The following UGGT2 variants were observed in gnomAD, a reference collection of about 807,000 sequenced individuals.
UGGT2 encodes the protein UDP-glucose:glycoprotein glucosyltransferase 2.
A neutral mutation model predicts 192.1 loss-of-function variants in UGGT2; 180 were observed. The ratio of observed to expected loss-of-function variants is 0.94; its 90% CI spans 0.83 to 1.06. The LOEUF (loss-of-function observed/expected upper bound fraction) is 1.06. Among genes scored for constraint, UGGT2 ranks in the 50% least tolerant of loss-of-function variants. The pLI, the probability that UGGT2 is intolerant of heterozygous loss-of-function variation, is 0.00. For missense variants in UGGT2, 1,849 were observed against 1,795.7 expected (o/e 1.03, Z -0.54); for synonymous variants, 580 against 591.0 (o/e 0.98, Z 0.27).
chr13:95,999,682 C>T lies in UGGT2; in HGVS notation c.661-375G>A, dbSNP rs570913078. Among the ~76,000 whole-genome samples the T allele has an allele frequency of 1.2e-4, 18 of 152,112 alleles. No individual in the cohort carries two copies. The South Asian group carries it at 1.2e-3, about 10-fold the overall frequency. ...TTTTTGGGGACCCCCAAAAGATTTG[C>T]TAAACCAAAAATCCTCTTCACTTGC... On this transcript the variant is annotated intron_variant, in intron 5 of 38. Coordinates refer to ENST00000376747, the MANE Select transcript of UGGT2 (RefSeq NM_020121.4).
chr13:95,949,318 C>T lies in UGGT2; in HGVS notation c.1455+17G>A. The T allele has an allele frequency of 2.0e-6, 3 of 1,497,392 alleles. No homozygotes were observed. The highest frequency in any genetic ancestry group is 2.7e-6 in the Non-Finnish European group (3 of 1,120,658). 92.8% of individuals were successfully genotyped at this position (1,497,392 alleles called of 1,614,324 possible). A position where few individuals can be genotyped will look rare whatever the true frequency, so the allele number is the denominator to read the frequency against. On this transcript the variant is annotated intron_variant, in intron 13 of 38. Coordinates refer to ENST00000376747, the MANE Select transcript of UGGT2 (RefSeq NM_020121.4). ...TCTTTATAAGATATATATGTATAATCAAAATATAAAACTCACCAAATTATG... is the reference window on the plus strand; with the variant it reads ...TCTTTATAAGATATATATGTATAATTAAAATATAAAACTCACCAAATTATG...
At chr13:95,979,548 C>A (rs200141444) in intron 10 of UGGT2, among the ~76,000 whole-genome samples, 28 of 98,794 alleles carry the variant, frequency 2.8e-4, no homozygotes, top group Middle Eastern at 5.0e-3. Context: ...GTCTCTTACG[C>A]AAAAAAAAAA....
intron 7 of UGGT2, among the ~76,000 whole-genome samples, chr13:95,994,763 C>T (rs548347704): frequency 6.6e-6 from 1 of 152,000 alleles, no homozygotes; most frequent in South Asian, 2.1e-4. Context: ...GGTGATAGCA[C>T]CATATAGTGC....
chr13:95,906,858 T>C (rs373650175), intron 20 of UGGT2, among the ~76,000 whole-genome samples: 1 of 152,200 alleles, frequency 6.6e-6, no homozygotes, highest in Non-Finnish European at 1.5e-5. Context: ...GCTCCCAGTG[T>C]GACCGATGCA....
chr13:95,917,701 TAAAG>T (rs1317474910), intron 20 of UGGT2, among the ~76,000 whole-genome samples: 1 of 151,926 alleles, frequency 6.6e-6, no homozygotes. Context: ...AGGCTCAAAA[TAAAG>T]AGATGGAGGA....
intron 7 of UGGT2, among the ~76,000 whole-genome samples, chr13:95,993,967 A>AGG (rs869148884): frequency 1.3e-5 from 2 of 151,542 alleles, no homozygotes; most frequent in Admixed American, 1.3e-4. Context: ...CAGGAAAAAA[A>AGG]GGGGGGGGTA....
chr13:95,998,718 A>T (rs1209607271), intron 6 of UGGT2, among the ~76,000 whole-genome samples: 1 of 152,148 alleles, frequency 6.6e-6, no homozygotes, highest in Non-Finnish European at 1.5e-5. Context: ...TGGTTAGTAG[A>T]TCACAAATCT....
chr13:95,830,101 C>T (rs2139857490), intron 38 of UGGT2, among the ~76,000 whole-genome samples: 1 of 152,288 alleles, frequency 6.6e-6, no homozygotes, highest in East Asian at 1.9e-4. Flanking sequence ...AACTGGATCC[C>T]TTCCTTACAT....
intron 26 of UGGT2, among the ~76,000 whole-genome samples, 176 bp from the exon 27 acceptor site, chr13:95,884,856 T>C (rs1184529672): frequency 1.3e-5 from 2 of 152,216 alleles, no homozygotes; most frequent in African/African-American, 4.8e-5. Flanking sequence ...TCATTATTTG[T>C]TGACACTACT....
intron 20 of UGGT2, among the ~76,000 whole-genome samples, chr13:95,908,968 A>G (rs2048384390): frequency 6.9e-6 from 1 of 145,058 alleles, no homozygotes. Flanking sequence ...CCCATTTGTC[A>G]ATTTTGGCTT....
Position 95,937,088 on chromosome 13 carries a change from C to G in UGGT2, c.1813G>C (p.Ala605Pro). The change falls in exon 17 of 39, where the codon GCT (alanine) becomes CCT (proline). Residue 605 changes from alanine to proline, a missense_variant and splice_region_variant. Coordinates refer to ENST00000376747, the MANE Select transcript of UGGT2 (RefSeq NM_020121.4). ...IHSKYDEERK[A>P]GASFYKMTGL... The stretch of plus-strand genomic sequence containing the variant: ...GTCATCTTATAAAAGCTTGCTCCAG[C>G]CTATTCAGTTAAAAAATATCAGAGT... The G allele has an allele frequency of 6.3e-7, 1 of 1,582,036 alleles. No homozygotes were observed. The highest frequency in any genetic ancestry group is 8.5e-7 in the Non-Finnish European group (1 of 1,172,318).
At chr13:95,911,116 A>G (rs1045758746) in intron 20 of UGGT2, among the ~76,000 whole-genome samples, 10 of 152,210 alleles carry the variant, frequency 6.6e-5, no homozygotes, top group African/African-American at 1.4e-4. Flanking sequence ...ATACTACTAA[A>G]TGCCTATAAG....
chr13:95,925,806 CT>C lies in UGGT2; in HGVS notation c.2201-33del, dbSNP rs368238974. 1,225 of 1,441,794 alleles carry C rather than the reference CT, an allele frequency of 8.5e-4. 6 individuals carry two copies. In the African/African-American group the frequency reaches 0.012, roughly 14 times the overall value. 89.3% of individuals were successfully genotyped at this position (1,441,794 alleles called of 1,614,324 possible). ...GTTTCAAACAGTTTACTCAAATTAA[CT>C]TTTTTTTTAAAAAATAAAACAAAAG... On this transcript the variant is annotated intron_variant, in intron 19 of 38. Transcript: ENST00000376747.
chr13:95,972,553 C>T lies in UGGT2; in HGVS notation c.1184+27G>A, dbSNP rs775694768. The T allele has an allele frequency of 1.1e-5, 17 of 1,517,576 alleles. No homozygotes were observed. In the Admixed American group the frequency reaches 3.0e-4, roughly 26 times the overall value. The allele number at this position is 1,517,576 out of a possible 1,614,324, so 94.0% of individuals were successfully genotyped here. On this transcript the variant is annotated intron_variant, in intron 11 of 38. Coordinates refer to ENST00000376747, the MANE Select transcript of UGGT2 (RefSeq NM_020121.4). The stretch of plus-strand genomic sequence containing the variant: ...GTTTATTTTTATATAAACCATAGTT[C>T]ATTTACAGCAATAATTTAATACTTA...
intron 38 of UGGT2, among the ~76,000 whole-genome samples, chr13:95,806,502 C>G (rs1184666983): frequency 6.6e-6 from 1 of 152,092 alleles, no homozygotes; most frequent in African/African-American, 2.4e-5. Flanking sequence ...ATCTACATAT[C>G]TGATGCAATC....
At chr13:95,835,836 C>G (rs1348221166) in intron 37 of UGGT2, among the ~76,000 whole-genome samples, 1 of 152,116 alleles carries the variant, frequency 6.6e-6, no homozygotes, top group African/African-American at 2.4e-5. Context: ...GAGAGTTAAA[C>G]TGCACAGCAT....
chr13:95,975,448 C>T (rs956959899), intron 10 of UGGT2, among the ~76,000 whole-genome samples: 2 of 152,126 alleles, frequency 1.3e-5, no homozygotes, highest in Non-Finnish European at 2.9e-5. Context: ...GAATTCATGG[C>T]CTCTAGCTTA....
intron 30 of UGGT2, 149 bp from the exon 31 acceptor site, chr13:95,863,863 T>C: frequency 3.1e-6 from 2 of 652,456 alleles, no homozygotes; most frequent in Non-Finnish European, 5.4e-6. Context: ...CTTAGCACAA[T>C]GTTGTAAACA....
At chr13:95,852,952 A>C (rs1889196714) in intron 36 of UGGT2, among the ~76,000 whole-genome samples, 1 of 152,174 alleles carries the variant, frequency 6.6e-6, no homozygotes, top group Non-Finnish European at 1.5e-5. Context: ...TCTCATCATA[A>C]ATGGTAATTC....
Sources: allele counts gnomAD v4.1 joint callset (sites outside exome capture counted in the v4.1 genomes callset), GRCh38; gene constraint gnomAD v4.1.1; transcripts MANE v1.5; gene names NCBI Gene and HGNC (gene_info 2026-07-23, HGNC 2026-07-21).